Variants in LY86 observed in about 807,000 individuals in gnomAD.
The protein encoded by LY86 is lymphocyte antigen 86, also known as MD-1, RP105-associated.
In LY86, 20 loss-of-function variants were observed where a neutral mutation model predicts 17.3. The observed-to-expected ratio is 1.15, with a 90% CI of 0.81 to 1.68. LY86 has a LOEUF of 1.68. Ranked by LOEUF, LY86 falls within the 40% of genes most tolerant of loss-of-function variation. The pLI is 0.00. For missense variants in LY86, 200 were observed against 191.9 expected (o/e 1.04, Z -0.25); for synonymous variants, 74 against 70.6 (o/e 1.05, Z -0.24).
intron 1 of LY86, among the ~76,000 whole-genome samples, chr6:6,590,612 C>G (rs898121383): frequency 4.6e-5 from 7 of 152,124 alleles, no homozygotes; most frequent in Admixed American, 3.9e-4. Flanking sequence ...ACTCAGGAGC[C>G]CAGCCTCAGG....
intron 1 of LY86, among the ~76,000 whole-genome samples, chr6:6,605,468 C>G (rs1581235561): frequency 6.6e-6 from 1 of 152,238 alleles, no homozygotes; most frequent in Non-Finnish European, 1.5e-5. Context: ...TACTGGAGTT[C>G]AAGTCTTCAA....
At chr6:6,645,632 G>A (rs963943031) in intron 3 of LY86, among the ~76,000 whole-genome samples, 13 of 151,858 alleles carry the variant, frequency 8.6e-5, no homozygotes, top group Non-Finnish European at 1.9e-4. Context: ...CATAAAGCAG[G>A]TATAAACATG....
At chr6:6,647,467 G>C (rs1403764150) in intron 3 of LY86, among the ~76,000 whole-genome samples, 1 of 151,448 alleles carries the variant, frequency 6.6e-6, no homozygotes, top group African/African-American at 2.4e-5. Flanking sequence ...TCTCTCTTCA[G>C]TCCACCCCAT....
intron 1 of LY86, among the ~76,000 whole-genome samples, chr6:6,603,864 A>G (rs1453076896): frequency 6.6e-6 from 1 of 151,638 alleles, no homozygotes; most frequent in African/African-American, 2.4e-5. Context: ...AAGAAATAAT[A>G]AAAGAAACAG....
intron 3 of LY86, among the ~76,000 whole-genome samples, chr6:6,629,847 G>C (rs1403198581): frequency 6.6e-6 from 1 of 152,086 alleles, no homozygotes; most frequent in Non-Finnish European, 1.5e-5. Context: ...CCAACGATAG[G>C]GCATTGACTA....
At chr6:6,613,605 C>G (rs184351106) in intron 1 of LY86, among the ~76,000 whole-genome samples, 2,284 of 152,320 alleles carry the variant, frequency 0.015, 56 homozygotes, top group African/African-American at 0.053. Flanking sequence ...CCGCGCGCCG[C>G]CCGGGTTCCC....
chr6:6,613,835 T>C (rs1581242617), intron 1 of LY86, among the ~76,000 whole-genome samples: 1 of 152,322 alleles, frequency 6.6e-6, no homozygotes, highest in African/African-American at 2.4e-5. Flanking sequence ...CCTGATGGTT[T>C]ATCCGCCTTC....
chr6:6,611,405 T>G (rs1046989048), intron 1 of LY86, among the ~76,000 whole-genome samples: 3 of 152,186 alleles, frequency 2.0e-5, no homozygotes, highest in African/African-American at 7.2e-5. Context: ...TGATAGCATC[T>G]CTCTTAAGGC....
intron 1 of LY86, among the ~76,000 whole-genome samples, chr6:6,607,290 G>A (rs1170275366): frequency 2.6e-5 from 4 of 152,178 alleles, no homozygotes; most frequent in African/African-American, 7.2e-5. Context: ...TCTTGAAAAT[G>A]GTTAAGATGG....
intron 3 of LY86, among the ~76,000 whole-genome samples, chr6:6,637,097 C>G (rs1272340211): frequency 6.7e-6 from 1 of 149,834 alleles, no homozygotes; most frequent in Non-Finnish European, 1.5e-5. Context: ...ACTGCAAGCT[C>G]CGCCTCCCAG....
intron 3 of LY86, among the ~76,000 whole-genome samples, chr6:6,635,517 T>C (rs544368422): frequency 2.0e-5 from 3 of 152,298 alleles, no homozygotes; most frequent in Non-Finnish European, 2.9e-5. Context: ...TAATTGAGAC[T>C]GCAGAAAGTG....
chr6:6,614,328 A>C lies in LY86; in HGVS notation c.137-10598A>C, dbSNP rs1233813673. Among the ~76,000 whole-genome samples, 3 of 152,160 alleles carry C rather than the reference A, an allele frequency of 2.0e-5. No homozygotes were observed. The East Asian group carries it at 5.8e-4, about 29-fold the overall frequency. On this transcript the variant is annotated intron_variant, in intron 1 of 4. Coordinates refer to ENST00000230568, the MANE Select transcript of LY86 (RefSeq NM_004271.4). ...CTACAAAAGATGTTGCTTGTCTCTT[A>C]AGTAGTTCCTTCATTGACGCCAAAT...
chr6:6,604,770 T>C (rs1761043040), intron 1 of LY86, among the ~76,000 whole-genome samples: 1 of 151,706 alleles, frequency 6.6e-6, no homozygotes, highest in East Asian at 1.9e-4. Context: ...CTTCCCACAG[T>C]TTCCCAGAGA....
chr6:6,618,247 G>C (rs892874780), intron 1 of LY86, among the ~76,000 whole-genome samples: 1 of 152,200 alleles, frequency 6.6e-6, no homozygotes, highest in Non-Finnish European at 1.5e-5. Context: ...GCAGAAGAGT[G>C]TCTTCATTGC....
At chr6:6,621,497 AG>A (rs1217793236) in intron 1 of LY86, 1 of 152,224 alleles carries the variant, frequency 6.6e-6, no homozygotes, top group Admixed American at 6.5e-5. Context: ...GATTATTTAA[AG>A]CAGTGATCGC....
At chr6:6,649,494 C>T in intron 3 of LY86, 131 bp from the exon 4 acceptor site, 1 of 432,158 alleles carries the variant, frequency 2.3e-6, no homozygotes, top group Non-Finnish European at 4.0e-6. Flanking sequence ...GAAATGAAAA[C>T]ATTTCTAGCA....
intron 1 of LY86, 37 bp from the exon 2 acceptor site, chr6:6,624,889 T>A: frequency 1.1e-6 from 1 of 928,980 alleles, no homozygotes. Context: ...AAATATACGA[T>A]GTACTCGCAA....
chr6:6,631,341 T>C lies in LY86; in HGVS notation c.352+4920T>C, dbSNP rs370015638. On this transcript the variant is annotated intron_variant, in intron 3 of 4. Transcript: ENST00000230568. ...AAAGCCAGCGGGGGGTGGAACTGGG[T>C]TTCTGTCCAGCTCCAAACCCCTCTG... Among the ~76,000 whole-genome samples the C allele has an allele frequency of 6.6e-5, 10 of 152,262 alleles. No homozygotes were observed. In the East Asian group the frequency reaches 1.5e-3, roughly 23 times the overall value.
chr6:6,612,390 C>T (rs963757888), intron 1 of LY86, among the ~76,000 whole-genome samples: 22 of 152,192 alleles, frequency 1.4e-4, no homozygotes, highest in South Asian at 1.0e-3. Context: ...CATTTATTTT[C>T]CCCCAGTGGG....
Sources: gnomAD v4.1 joint callset for allele counts (sites outside exome capture counted in the v4.1 genomes callset) on GRCh38, gnomAD v4.1.1 for gene constraint, MANE v1.5 for transcripts, NCBI Gene and HGNC (gene_info 2026-07-23, HGNC 2026-07-21) for gene names.